CHST11: variants seen among roughly 807,000 people sequenced by gnomAD.
CHST11 encodes C4S-1.
In CHST11, 9 loss-of-function variants were observed where a neutral mutation model predicts 30.4. The observed-to-expected ratio is 0.30, with a 90% CI of 0.18 to 0.52. The LOEUF is 0.52. Among genes scored for constraint, CHST11 ranks in the 20% least tolerant of loss-of-function variants. The probability of loss-of-function intolerance (pLI) is 0.97; values close to 1 mark genes in which losing one functional copy is unlikely to be tolerated. For synonymous variants in CHST11, 152 were observed against 187.8 expected, an observed-to-expected ratio of 0.81 and a Z score of 1.56; for missense variants, 348 against 460.6, an observed-to-expected ratio of 0.76 and a Z score of 2.24.
At chr12:104,666,022 G>A (rs942354894) in intron 2 of CHST11, among the ~76,000 whole-genome samples, 7 of 151,902 alleles carry the variant, frequency 4.6e-5, no homozygotes, top group Non-Finnish European at 1.0e-4. Context: ...GTTTCACCAT[G>A]TTGGCCAGGA....
intron 1 of CHST11, among the ~76,000 whole-genome samples, chr12:104,584,397 C>T (rs1478548133): frequency 5.9e-5 from 9 of 151,786 alleles, no homozygotes; most frequent in East Asian, 1.9e-4. Context: ...GCTGGGACTA[C>T]GGGTATATGC....
intron 1 of CHST11, among the ~76,000 whole-genome samples, chr12:104,481,198 C>T (rs1324257940): frequency 2.0e-5 from 3 of 152,198 alleles, no homozygotes; most frequent in African/African-American, 4.8e-5. Context: ...ACTTCAAGGT[C>T]CCGCCTCACT....
chr12:104,722,285 G>A (rs1252415134), intron 2 of CHST11, among the ~76,000 whole-genome samples: 2 of 151,902 alleles, frequency 1.3e-5, no homozygotes, highest in Non-Finnish European at 2.9e-5. Context: ...TTACAGATGC[G>A]AGCCACTGTG....
rs759962153 is a variant in CHST11 at position 104,757,405 on chromosome 12, C to T, written c.661C>T (p.Arg221Trp). The change falls in exon 3 of 3, where the codon CGG (arginine) becomes TGG (tryptophan). Residue 221 changes from arginine (R) to tryptophan (W), a missense_variant. Physicochemically the swap from Arg to Trp is moderately radical, Grantham distance 101. Coordinates refer to ENST00000303694, the MANE Select transcript of CHST11 (RefSeq NM_018413.6). The surrounding 1 kb of genome is among the most constrained non-coding windows in gnomAD (Gnocchi z 6.5). ...CGGCACCAAGATCATCAAACGCCAG[C>T]GGAAGAACGCCACCCAGGAGGCCCT... ...RYGTKIIKRQ[R>W]KNATQEALRK... 4.3e-6 allele frequency: 7 copies of T among 1,613,960 alleles called. No individual in the cohort carries two copies. Among genetic ancestry groups the T allele is most frequent in the Non-Finnish European group, 5.9e-6 (7 of 1,180,026 alleles).
chr12:104,481,802 T>C (rs1202011500), intron 1 of CHST11, among the ~76,000 whole-genome samples: 2 of 151,166 alleles, frequency 1.3e-5, no homozygotes, highest in African/African-American at 2.4e-5. Context: ...CTTCCTTCCT[T>C]CCTCTCTCCC....
chr12:104,479,825 T>C (rs2037601893), intron 1 of CHST11, among the ~76,000 whole-genome samples: 1 of 152,210 alleles, frequency 6.6e-6, no homozygotes, highest in Non-Finnish European at 1.5e-5. Context: ...GACATATTTT[T>C]CTCATGTATG....
intron 1 of CHST11, among the ~76,000 whole-genome samples, chr12:104,488,744 T>C (rs879488608): frequency 0.029 from 2,559 of 88,220 alleles, 33 homozygotes; most frequent in Non-Finnish European, 0.04. Context: ...TGTACGCGTG[T>C]GTGTGTGTGT....
intron 2 of CHST11, among the ~76,000 whole-genome samples, chr12:104,639,649 C>G (rs1191585101): frequency 6.6e-6 from 1 of 152,112 alleles, no homozygotes; most frequent in East Asian, 1.9e-4. Context: ...ATTGGCAATC[C>G]ATGCATACGT....
At chr12:104,749,758 T>C (rs1206705529) in intron 2 of CHST11, among the ~76,000 whole-genome samples, 3 of 152,222 alleles carry the variant, frequency 2.0e-5, no homozygotes, top group Non-Finnish European at 4.4e-5. Flanking sequence ...ACAAAAGCTC[T>C]TCTGAGCCCT....
Position 104,567,723 on chromosome 12 carries a change from A to G in CHST11, c.119-34183A>G, listed in dbSNP as rs190072144. Among the ~76,000 whole-genome samples the G allele has an allele frequency of 1.5e-3, 236 of 152,258 alleles. 1 individual carries two copies. The highest frequency in any genetic ancestry group is 5.3e-3 in the African/African-American group (222 of 41,540). On this transcript the variant is annotated intron_variant, in intron 1 of 2. Coordinates refer to ENST00000303694, the MANE Select transcript of CHST11 (RefSeq NM_018413.6). Reference sequence around the variant, plus strand: ...AAAGTTTAGAGGTTGCCATGGTCTGAATGTTTGTGTACCCCCCACAAATTC... The same window carrying G: ...AAAGTTTAGAGGTTGCCATGGTCTGGATGTTTGTGTACCCCCCACAAATTC...
chr12:104,528,089 C>A (rs900122543), intron 1 of CHST11, among the ~76,000 whole-genome samples: 21 of 152,126 alleles, frequency 1.4e-4, no homozygotes, highest in African/African-American at 2.7e-4. Flanking sequence ...AGATGATAAA[C>A]CTTGATTTTT....
intron 1 of CHST11, among the ~76,000 whole-genome samples, chr12:104,520,217 A>G (rs748902797): frequency 6.6e-6 from 1 of 152,216 alleles, no homozygotes; most frequent in Non-Finnish European, 1.5e-5. Flanking sequence ...ACTACTGAGC[A>G]TTAGTTTCTT....
intron 2 of CHST11, among the ~76,000 whole-genome samples, chr12:104,737,218 G>T (rs1041427735): frequency 3.9e-5 from 6 of 152,268 alleles, no homozygotes; most frequent in African/African-American, 1.2e-4. Context: ...CTGTGGATCA[G>T]CCTGCAGGCT....
chr12:104,694,124 T>C (rs2136109298), intron 2 of CHST11, among the ~76,000 whole-genome samples: 1 of 152,320 alleles, frequency 6.6e-6, no homozygotes, highest in South Asian at 2.1e-4. Flanking sequence ...TTATGGCATA[T>C]CTATTCATCA....
At chr12:104,623,323 A>C (rs576319233) in intron 2 of CHST11, among the ~76,000 whole-genome samples, 2 of 152,338 alleles carry the variant, frequency 1.3e-5, no homozygotes, top group Admixed American at 6.5e-5. Flanking sequence ...AGACAATGGA[A>C]GCTGTTTGTA....
At chr12:104,464,343 G>A (rs545295661) in intron 1 of CHST11, among the ~76,000 whole-genome samples, 2 of 152,194 alleles carry the variant, frequency 1.3e-5, no homozygotes, top group Admixed American at 1.3e-4. Flanking sequence ...GCTGGTAGAG[G>A]TGTGAGTCAC....
At chr12:104,706,687 G>A (rs187618373) in intron 2 of CHST11, among the ~76,000 whole-genome samples, 17 of 152,218 alleles carry the variant, frequency 1.1e-4, no homozygotes, top group Non-Finnish European at 2.1e-4. Flanking sequence ...TTTCTGACAC[G>A]AGGCTCTCAA....
intron 1 of CHST11, among the ~76,000 whole-genome samples, chr12:104,567,979 AT>A (rs2038584307): frequency 1.3e-5 from 2 of 152,204 alleles, no homozygotes; most frequent in African/African-American, 4.8e-5. Context: ...TGAGCAATAC[AT>A]TGATAAATTC....
At chr12:104,746,329 C>G (rs941737307) in intron 2 of CHST11, among the ~76,000 whole-genome samples, 3 of 147,876 alleles carry the variant, frequency 2.0e-5, no homozygotes, top group Non-Finnish European at 4.6e-5. Context: ...AGTACTTTAA[C>G]TACACTAGGG....
Sources: gnomAD v4.1 joint callset for allele counts (sites outside exome capture counted in the v4.1 genomes callset) on GRCh38, gnomAD v4.1.1 for gene constraint, Gnocchi (gnomAD v3.1) non-coding constraint, MANE v1.5 for transcripts, NCBI Gene and HGNC (gene_info 2026-07-23, HGNC 2026-07-21) for gene names.